DAB1: variants seen among roughly 807,000 people sequenced by gnomAD.
The protein encoded by DAB1 is DAB adaptor protein 1.
Under a neutral mutation model 64.6 loss-of-function variants are expected in DAB1, and 15 were observed. The ratio of observed to expected loss-of-function variants is 0.23; its 90% CI spans 0.16 to 0.36. The LOEUF (loss-of-function observed/expected upper bound fraction) is 0.36, where lower values mean the gene tolerates loss of function less well. Ranked by LOEUF, DAB1 falls within the 10% of genes least tolerant of loss-of-function variation. The pLI is 1.00. For missense variants in DAB1, 596 were observed against 706.7 expected (o/e 0.84, Z 1.78); for synonymous variants, 235 against 251.9 (o/e 0.93, Z 0.64).
chr1:57,635,393 G>A (rs909161993), intron 7 of DAB1, among the ~76,000 whole-genome samples: 4 of 152,076 alleles, frequency 2.6e-5, no homozygotes, highest in African/African-American at 7.2e-5. Context: ...ACTCCCCATC[G>A]CTTGCGTTAC....
chr1:57,383,722 G>C (rs1008482994), intron 1 of DAB1, among the ~76,000 whole-genome samples: 1 of 152,102 alleles, frequency 6.6e-6, no homozygotes. Flanking sequence ...GAATGAAATT[G>C]GACCCTTACC....
At chr1:57,897,639 T>C (rs1644410978) in intron 5 of DAB1, among the ~76,000 whole-genome samples, 1 of 152,132 alleles carries the variant, frequency 6.6e-6, no homozygotes, top group Non-Finnish European at 1.5e-5. Context: ...CCAGGGCCAA[T>C]ATTTTTGAAG....
At chr1:57,251,747 C>T (rs924021107) in intron 2 of DAB1, among the ~76,000 whole-genome samples, 43 of 152,148 alleles carry the variant, frequency 2.8e-4, no homozygotes, top group Admixed American at 2.0e-4. Context: ...CTCTGAAACC[C>T]TTTTTCACCA....
intron 4 of DAB1, among the ~76,000 whole-genome samples, chr1:58,332,982 C>T (rs1663009158): frequency 6.6e-6 from 1 of 152,184 alleles, no homozygotes; most frequent in African/African-American, 2.4e-5. Flanking sequence ...ACAGTCTCGG[C>T]TCACTGCAAC....
intron 9 of DAB1, 71 bp downstream of exon 9, chr1:57,062,813 C>T (rs189969949): frequency 2.3e-5 from 30 of 1,311,476 alleles, no homozygotes; most frequent in South Asian, 4.9e-5. Flanking sequence ...GGTTTCCTTC[C>T]GCAGGCTGTA....
intron 7 of DAB1, among the ~76,000 whole-genome samples, chr1:57,518,607 C>G (rs1046089692): frequency 6.6e-6 from 1 of 152,112 alleles, no homozygotes; most frequent in Non-Finnish European, 1.5e-5. Flanking sequence ...CACAGCTTGT[C>G]CCCCTGCTTC....
intron 3 of DAB1, among the ~76,000 whole-genome samples, chr1:58,380,318 TCTC>T (rs1469599421): frequency 1.3e-5 from 2 of 152,334 alleles, no homozygotes; most frequent in East Asian, 1.9e-4. Context: ...GCTCTCTCTC[TCTC>T]ACCTGCCTCC....
chr1:57,206,922 CTCT>C (rs1158740862), intron 2 of DAB1, among the ~76,000 whole-genome samples: 3 of 146,918 alleles, frequency 2.0e-5, no homozygotes, highest in African/African-American at 5.0e-5. Context: ...ACAAACACAA[CTCT>C]TCTTTTCTTC....
rs536594221 is a variant in DAB1, at chr1:57,575,897, C to T, written n.625+73695G>A. On this transcript the variant is annotated intron_variant and non_coding_transcript_variant, in intron 7 of 20. Coordinates refer to the DAB1 transcript ENST00000485760. ...AATTAATAAGCAAGGAGGAATTGTACCTAGGTGGCATTACGGCTTGAATTA... is the reference window on the plus strand; with the variant it reads ...AATTAATAAGCAAGGAGGAATTGTATCTAGGTGGCATTACGGCTTGAATTA... 2.3e-4 allele frequency among the ~76,000 whole-genome samples: 35 copies of T among 152,166 alleles called. 1 individual carries two copies. The South Asian group carries it at 5.0e-3, about 22-fold the overall frequency.
chr1:57,082,301 T>C (rs2100631121), intron 4 of DAB1, among the ~76,000 whole-genome samples: 1 of 152,316 alleles, frequency 6.6e-6, no homozygotes, highest in Non-Finnish European at 1.5e-5. Context: ...TACTGAGCAC[T>C]TCAATGACTT....
intron 2 of DAB1, among the ~76,000 whole-genome samples, chr1:57,187,922 G>A (rs1470838678): frequency 2.0e-5 from 3 of 151,968 alleles, no homozygotes; most frequent in Non-Finnish European, 2.9e-5. Flanking sequence ...AGGGAGGAGA[G>A]GAGAAAGAGA....
intron 2 of DAB1, among the ~76,000 whole-genome samples, chr1:57,211,963 C>A (rs987343081): frequency 2.6e-5 from 4 of 152,150 alleles, no homozygotes; most frequent in Admixed American, 6.5e-5. Context: ...ATCCTGGAAC[C>A]AATCCCCCAA....
At position 57,534,709 on chromosome 1, in the gene DAB1, G is replaced by A. The variant is rs113562426; in HGVS notation, n.625+114883C>T. 5.9e-5 allele frequency among the ~76,000 whole-genome samples: 9 copies of A among 152,230 alleles called. 1 individual carries two copies. Among genetic ancestry groups the A allele is most frequent in the South Asian group, 2.1e-4 (1 of 4,828 alleles). On this transcript the variant is annotated intron_variant and non_coding_transcript_variant, in intron 7 of 20. Coordinates refer to the DAB1 transcript ENST00000485760. The stretch of plus-strand genomic sequence containing the variant: ...TGGTAATCTGCCCACCAGTCTCTAC[G>A]AGAAGGCTCTGCTTGCCCTTGCTCT...
Position 57,402,806 on chromosome 1 carries a change from C to T in DAB1, c.-137+21124G>A, listed in dbSNP as rs80075944. Among the ~76,000 whole-genome samples, 98 of 152,248 alleles carry T rather than the reference C, an allele frequency of 6.4e-4. 1 individual carries two copies. In the East Asian group the frequency reaches 0.013, roughly 20 times the overall value. The stretch of plus-strand genomic sequence containing the variant: ...CAGACAGAATCCAAACATCCCAATG[C>T]TCTAATAATTGAAAGATGCATCCCA... On this transcript the variant is annotated intron_variant, in intron 1 of 14. Coordinates refer to ENST00000371236, the MANE Select transcript of DAB1 (RefSeq NM_001365792.1).
chr1:57,595,972 A>G (rs934499003), intron 7 of DAB1, among the ~76,000 whole-genome samples: 2 of 152,158 alleles, frequency 1.3e-5, no homozygotes, highest in African/African-American at 2.4e-5. Flanking sequence ...TCTCTTCTTT[A>G]TAAATTACTC....
chr1:58,388,589 G>A (rs1468842316), intron 3 of DAB1, among the ~76,000 whole-genome samples: 3 of 152,194 alleles, frequency 2.0e-5, no homozygotes, highest in Admixed American at 2.0e-4. Flanking sequence ...TCAAGCATTT[G>A]CACTAGCTCA....
chr1:58,045,847 T>C (rs1351431762), intron 5 of DAB1, among the ~76,000 whole-genome samples: 1 of 152,052 alleles, frequency 6.6e-6, no homozygotes, highest in Non-Finnish European at 1.5e-5. Flanking sequence ...TCACACAGCA[T>C]AGAGATGCAA....
chr1:57,524,240 A>C (rs1024748709), intron 7 of DAB1, among the ~76,000 whole-genome samples: 2 of 152,192 alleles, frequency 1.3e-5, no homozygotes, highest in Non-Finnish European at 2.9e-5. Context: ...ATTGCCTGGA[A>C]CTACAGACAT....
intron 2 of DAB1, among the ~76,000 whole-genome samples, chr1:57,221,767 A>G (rs1274810966): frequency 2.6e-5 from 4 of 152,162 alleles, no homozygotes; most frequent in Non-Finnish European, 5.9e-5. Flanking sequence ...AACAAAAAAT[A>G]TCCATTTTTT....
Sources: gnomAD v4.1 joint callset for allele counts (sites outside exome capture counted in the v4.1 genomes callset) on GRCh38, gnomAD v4.1.1 for gene constraint, MANE v1.5 for transcripts, NCBI Gene and HGNC (gene_info 2026-07-23, HGNC 2026-07-21) for gene names.